Variants in CLRN3 observed in about 807,000 individuals in gnomAD.
CLRN3 encodes clarin-3.
Under a neutral mutation model 16.7 loss-of-function variants are expected in CLRN3, and 12 were observed. That is an observed-to-expected ratio of 0.72 (90% CI 0.46 to 1.16). The LOEUF (loss-of-function observed/expected upper bound fraction) is 1.16, where lower values mean the gene tolerates loss of function less well. CLRN3 is among the 50% of genes most tolerant of loss of function. The pLI, the probability that CLRN3 is intolerant of heterozygous loss-of-function variation, is 0.00. For synonymous variants in CLRN3, 118 were observed against 113.0 expected (o/e 1.04, Z -0.28); for missense variants, 296 against 274.2 (o/e 1.08, Z -0.56).
At position 127,892,566 on chromosome 10, in the gene CLRN3, T is replaced by C. The variant is rs754111530; in HGVS notation, c.219A>G (p.Lys73=). 1 of 1,577,090 alleles carries C rather than the reference T, an allele frequency of 6.3e-7. No individual in the cohort carries two copies. Among genetic ancestry groups the C allele is most frequent in the Non-Finnish European group, 8.7e-7 (1 of 1,145,972 alleles). The change falls in exon 1 of 3, where the codon AAA becomes AAG. Residue 73 remains lysine (K), a synonymous_variant. Transcript: ENST00000368671. ...TAGTTTATCATTTACCTGCAAACTT[T>C]TTCTTTGGTTCTGCAAGTCCGTGAC... ...ELSHGLAEPK[K]KFAVLEILNN...
At position 127,878,412 on chromosome 10, in the gene CLRN3, C is replaced by G. The variant is rs138300341; in HGVS notation, c.418G>C (p.Val140Leu). 1 of 1,613,460 alleles carries G rather than the reference C, an allele frequency of 6.2e-7. No homozygotes were observed. Among genetic ancestry groups the G allele is most frequent in the Admixed American group, 1.7e-5 (1 of 60,014 alleles). ...YTWNGLGASF[V>L]FVTMILFVAN... ...ACAAACAGTATCATGGTCACAAAAA[C>G]GAAGGATGCTGAAAGGAAGATGGAG... is the stretch of plus-strand genomic sequence containing the variant. The change falls in exon 3 of 3, where the codon GTT (valine) becomes CTT (leucine). Residue 140 changes from valine to leucine, a missense_variant. Val to Leu is a conservative substitution (Grantham distance 32). Coordinates refer to ENST00000368671, the MANE Select transcript of CLRN3 (RefSeq NM_152311.5).
chr10:127,888,626 C>T (rs192207220), intron 1 of CLRN3, among the ~76,000 whole-genome samples: 23 of 152,114 alleles, frequency 1.5e-4, no homozygotes, highest in Non-Finnish European at 3.1e-4. Context: ...AAGAGACTAG[C>T]GGGTGGGGGA....
At chr10:127,882,016 AT>A (rs1845134237) in intron 2 of CLRN3, among the ~76,000 whole-genome samples, 1 of 152,184 alleles carries the variant, frequency 6.6e-6, no homozygotes, top group African/African-American at 2.4e-5. Context: ...ATAAGTACCA[AT>A]TGGTTTACCT....
chr10:127,883,614 C>A lies in CLRN3; in HGVS notation c.409+82G>T, dbSNP rs1591260190. The A allele has an allele frequency of 5.1e-6, 5 of 981,134 alleles. No individual in the cohort carries two copies. In the East Asian group the frequency reaches 1.2e-4, roughly 23 times the overall value. The allele number at this position is 981,134 out of a possible 1,614,324, so 60.8% of individuals were successfully genotyped here. A position where few individuals can be genotyped will look rare whatever the true frequency, so the allele number is the denominator to read the frequency against. On this transcript the variant is annotated intron_variant, in intron 2 of 2. Transcript: ENST00000368671. ...TGGTGTAAACGTGACTGTGTATGTT[C>A]ATGCATGTGTGAGAGGCAGAGACAT...
In CLRN3 at chr10:127,883,724, C is replaced by A. The variant is rs760579282; in HGVS notation, c.381G>T (p.Thr127=). The A allele has an allele frequency of 6.2e-7, 1 of 1,613,748 alleles. No individual in the cohort carries two copies. The highest frequency in any genetic ancestry group is 2.2e-5 in the East Asian group (1 of 44,872). Residue 127 remains threonine (T), a synonymous_variant, in exon 2 of 3, where the codon ACG becomes ACT. Coordinates refer to ENST00000368671, the MANE Select transcript of CLRN3 (RefSeq NM_152311.5). ...CGAGCCCGTTCCAGGTGTACACCCC[C>A]GTCGGCCCCAGGAATGTCTGGTAAG... ...SNPYQTFLGP[T]GVYTWNGLGA... is the part of the protein sequence containing the mutation.
In CLRN3 at chr10:127,883,823, G is replaced by A; in HGVS notation, c.282C>T (p.Ile94=). The A allele has an allele frequency of 1.2e-6, 2 of 1,614,192 alleles. No individual in the cohort carries two copies. Among genetic ancestry groups the A allele is most frequent in the South Asian group, 1.1e-5 (1 of 91,080 alleles). ...SSQKTLHSVT[I]LFLVLSLITS... is the part of the protein sequence containing the mutation. Reference sequence around the variant, plus strand: ...TGATCAAACTCAGGACCAGGAACAGGATAGTCACCGAATGCAGAGTTTTTT... The same window carrying A: ...TGATCAAACTCAGGACCAGGAACAGAATAGTCACCGAATGCAGAGTTTTTT... Residue 94 remains isoleucine, a synonymous_variant, in exon 2 of 3, where the codon ATC becomes ATT. Transcript: ENST00000368671.
chr10:127,889,631 AAAC>A (rs756532847), intron 1 of CLRN3, among the ~76,000 whole-genome samples: 4 of 152,246 alleles, frequency 2.6e-5, no homozygotes, highest in South Asian at 2.1e-4. Flanking sequence ...TGAAAAAACA[AAAC>A]AACAACAACA....
chr10:127,889,499 C>T (rs2135085980), intron 1 of CLRN3, among the ~76,000 whole-genome samples: 1 of 152,032 alleles, frequency 6.6e-6, no homozygotes, highest in African/African-American at 2.4e-5. Context: ...TAGTGTATTC[C>T]TGTAATCCCA....
In CLRN3 at chr10:127,878,168, C is replaced by G; in HGVS notation, c.662G>C (p.Arg221Thr). Residue 221 changes from arginine (R) to threonine (T), a missense_variant, in exon 3 of 3, where the codon AGG (arginine) becomes ACG (threonine). Coordinates refer to ENST00000368671, the MANE Select transcript of CLRN3 (RefSeq NM_152311.5). ...GAGAATTCAGAATAAAATTCCGTCCCTTGGAGCATATTCCATTGGCTTTCT... is the reference window on the plus strand; with the variant it reads ...GAGAATTCAGAATAAAATTCCGTCCGTTGGAGCATATTCCATTGGCTTTCT... ...EQRKPMEYAP[R>T]DGILF The G allele has an allele frequency of 1.2e-6, 2 of 1,613,164 alleles. No individual in the cohort carries two copies. Among genetic ancestry groups the G allele is most frequent in the Non-Finnish European group, 1.7e-6 (2 of 1,179,098 alleles).
intron 2 of CLRN3, among the ~76,000 whole-genome samples, chr10:127,882,657 AATGG>A (rs1845142525): frequency 6.6e-6 from 1 of 152,262 alleles, no homozygotes; most frequent in Non-Finnish European, 1.5e-5. Context: ...GATGACACTC[AATGG>A]AGGGACAGGA....
intron 2 of CLRN3, 42 bp from the exon 3 acceptor site, chr10:127,878,462 GT>G: frequency 6.2e-7 from 1 of 1,606,944 alleles, no homozygotes; most frequent in Non-Finnish European, 8.5e-7. Context: ...TGGTGATACA[GT>G]TTTTAATGTC....
intron 1 of CLRN3, among the ~76,000 whole-genome samples, chr10:127,886,699 G>A (rs1444735039): frequency 6.6e-6 from 1 of 152,252 alleles, no homozygotes; most frequent in Non-Finnish European, 1.5e-5. Flanking sequence ...GACTGGGCAA[G>A]CCTCAGCTCA....
chr10:127,883,024 G>C (rs956844514), intron 2 of CLRN3, among the ~76,000 whole-genome samples: 1 of 152,156 alleles, frequency 6.6e-6, no homozygotes, highest in Non-Finnish European at 1.5e-5. Context: ...GCTGGGACCC[G>C]CTTCCCATCT....
intron 2 of CLRN3, among the ~76,000 whole-genome samples, chr10:127,881,489 C>T (rs1845127637): frequency 6.6e-6 from 1 of 152,208 alleles, no homozygotes. Context: ...TCGGCCGGCG[C>T]CACACCTGGC....
intron 1 of CLRN3, among the ~76,000 whole-genome samples, chr10:127,888,775 ATTAAT>A (rs1342863599): frequency 4.6e-5 from 7 of 152,118 alleles, no homozygotes; most frequent in African/African-American, 1.7e-4. Flanking sequence ...TTGCCAATAA[ATTAAT>A]TTAATTTCAA....
At chr10:127,884,028 A>G in intron 1 of CLRN3, 153 bp from the exon 2 acceptor site, 2 of 692,696 alleles carry the variant, frequency 2.9e-6, no homozygotes, top group Non-Finnish European at 5.1e-6. Flanking sequence ...CAAGAACAAG[A>G]CCCGCATTCC....
intron 2 of CLRN3, among the ~76,000 whole-genome samples, chr10:127,878,938 G>T (rs11591839): frequency 0.22 from 33,820 of 152,002 alleles, 3,886 homozygotes; most frequent in Middle Eastern, 0.38. Flanking sequence ...AGACTGGGCT[G>T]CCCTGAGAGC....
intron 2 of CLRN3, 97 bp downstream of exon 2, chr10:127,883,599 G>A (rs559640739): frequency 8.2e-5 from 73 of 894,638 alleles, no homozygotes; most frequent in Non-Finnish European, 1.2e-4. Context: ...TGGTGTAAAC[G>A]TGACTGTGTA....
chr10:127,879,884 C>T (rs574551944), intron 2 of CLRN3, among the ~76,000 whole-genome samples: 34 of 152,234 alleles, frequency 2.2e-4, no homozygotes, highest in South Asian at 1.5e-3. Flanking sequence ...CTGATACGCA[C>T]GGGGGCCGCC....
Sources: gnomAD v4.1 joint callset for allele counts (sites outside exome capture counted in the v4.1 genomes callset) on GRCh38, gnomAD v4.1.1 for gene constraint, MANE v1.5 for transcripts, NCBI Gene and HGNC (gene_info 2026-07-23, HGNC 2026-07-21) for gene names.